Variants in SCN1A observed in about 807,000 individuals in gnomAD.
SCN1A encodes sodium channel protein type 1 subunit alpha.
In SCN1A, 13 loss-of-function variants were observed where a neutral mutation model predicts 193.7. The observed-to-expected ratio is 0.07, with a 90% CI of 0.04 to 0.11. The LOEUF is 0.11. SCN1A is among the 10% of genes least tolerant of loss of function. SCN1A has a pLI of 1.00. For missense variants in SCN1A, 1,432 were observed against 2,451.1 expected (o/e 0.58, Z 8.78); for synonymous variants, 781 against 843.6 (o/e 0.93, Z 1.29).
intron 2 of SCN1A, among the ~76,000 whole-genome samples, chr2:166,117,361 C>G (rs1689982240): frequency 6.6e-6 from 1 of 152,108 alleles, no homozygotes; most frequent in Non-Finnish European, 1.5e-5. Context: ...AATATGTGTA[C>G]TTAATGGTAT....
intron 1 of SCN1A, among the ~76,000 whole-genome samples, chr2:166,143,764 G>T (rs1361353225): frequency 6.6e-6 from 1 of 152,096 alleles, no homozygotes; most frequent in South Asian, 2.1e-4. Flanking sequence ...GTAAAAATTT[G>T]TTTGGCTTTA....
chr2:166,123,387 GA>G (rs1690849162), intron 2 of SCN1A: 1 of 152,122 alleles, frequency 6.6e-6, no homozygotes, highest in Non-Finnish European at 1.5e-5. Context: ...TCTGGAGGAA[GA>G]AAAACTGACT....
intron 2 of SCN1A, among the ~76,000 whole-genome samples, chr2:166,113,420 C>T (rs1409840396): frequency 1.3e-5 from 2 of 151,966 alleles, no homozygotes; most frequent in Non-Finnish European, 2.9e-5. Flanking sequence ...AAAATTATTT[C>T]TTGCTCTGAC....
intron 2 of SCN1A, among the ~76,000 whole-genome samples, chr2:166,113,177 C>A (rs1354970713): frequency 2.0e-5 from 3 of 151,754 alleles, no homozygotes; most frequent in Non-Finnish European, 4.4e-5. Context: ...GTGGGACACT[C>A]AACTGGCTGT....
At chr2:166,010,981 TA>T (rs1559142651) in intron 22 of SCN1A, among the ~76,000 whole-genome samples, 1 of 151,214 alleles carries the variant, frequency 6.6e-6, no homozygotes, top group Non-Finnish European at 1.5e-5. Context: ...TTTAAAGGGT[TA>T]AATTACATTT....
upstream of SCN1A, among the ~76,000 whole-genome samples, chr2:166,132,003 A>G (rs1337177350): frequency 2.6e-5 from 4 of 152,188 alleles, no homozygotes; most frequent in South Asian, 6.2e-4. Flanking sequence ...TTGGGAATCT[A>G]TAGTCACTGA....
chr2:166,056,520 C>T lies in SCN1A; in HGVS notation c.384-20G>A. ...AATAATGTAGGTTATTGTTAAGGAACACACAAAAGAAAATCAAAATCCAAG... is the reference window on the plus strand; with the variant it reads ...AATAATGTAGGTTATTGTTAAGGAATACACAAAAGAAAATCAAAATCCAAG... On this transcript the variant is annotated intron_variant, in intron 5 of 28. Transcript: ENST00000674923. 2 of 1,509,654 alleles carry T rather than the reference C, an allele frequency of 1.3e-6. No homozygotes were observed. Among genetic ancestry groups the T allele is most frequent in the South Asian group, 2.3e-5 (2 of 88,740 alleles). The allele number at this position is 1,509,654 out of a possible 1,614,324, so 93.5% of individuals were successfully genotyped here. A position where few individuals can be genotyped will look rare whatever the true frequency, so the allele number is the denominator to read the frequency against.
At chr2:166,082,751 A>G (rs997511173) in intron 2 of SCN1A, among the ~76,000 whole-genome samples, 1 of 152,064 alleles carries the variant, frequency 6.6e-6, no homozygotes, top group Non-Finnish European at 1.5e-5. Flanking sequence ...CTGTAACTCC[A>G]AAGTTCAATA....
chr2:166,029,453 C>G (rs1050582648), intron 19 of SCN1A, among the ~76,000 whole-genome samples: 2 of 152,022 alleles, frequency 1.3e-5, no homozygotes, highest in Non-Finnish European at 1.5e-5. Flanking sequence ...AGATAGTACT[C>G]TTGGGTTCCA....
At chr2:166,069,748 A>G (rs1171205782) in intron 4 of SCN1A, among the ~76,000 whole-genome samples, 1 of 152,220 alleles carries the variant, frequency 6.6e-6, no homozygotes, top group Non-Finnish European at 1.5e-5. Context: ...CACATTAACT[A>G]TTGTACTAGA....
chr2:166,106,365 G>A (rs1574522881), intron 2 of SCN1A, among the ~76,000 whole-genome samples: 3 of 152,228 alleles, frequency 2.0e-5, no homozygotes, highest in Non-Finnish European at 2.9e-5. Flanking sequence ...TGAACTGGAA[G>A]GATTTCCCAT....
intron 2 of SCN1A, among the ~76,000 whole-genome samples, chr2:166,121,191 C>T (rs143437367): frequency 2.9e-4 from 44 of 151,586 alleles, no homozygotes; most frequent in African/African-American, 9.9e-4. Context: ...TTCTAGATTA[C>T]AGCACCTTAC....
chr2:166,005,373 G>A lies in SCN1A; in HGVS notation c.4003-2620C>T, dbSNP rs990052191. 2.6e-5 allele frequency among the ~76,000 whole-genome samples: 4 copies of A among 151,326 alleles called. No individual in the cohort carries two copies. In the Admixed American group the frequency reaches 2.6e-4, roughly 10 times the overall value. On this transcript the variant is annotated intron_variant, in intron 23 of 28. Transcript: ENST00000674923. ...ATTAAGGAACTGAGCACAGGGAGAA[G>A]TTTGTGCTTAGGTAATATGTTTGAG... is the stretch of plus-strand genomic sequence containing the variant.
chr2:166,085,021 T>C (rs544955795), intron 2 of SCN1A, among the ~76,000 whole-genome samples: 9 of 152,260 alleles, frequency 5.9e-5, no homozygotes, highest in African/African-American at 1.9e-4. Context: ...TTACAAACAT[T>C]AGTGGTTCTC....
chr2:166,008,320 T>C lies in SCN1A; in HGVS notation c.4002+1399A>G, dbSNP rs1691933051. On this transcript the variant is annotated intron_variant, in intron 23 of 28. Coordinates refer to ENST00000674923, the MANE Select transcript of SCN1A (RefSeq NM_001165963.4). ...TTCAAATGGTCAAATGTAAAAGGTT[T>C]ATAATATTTTCAAATGTTTAGCATT... is the stretch of plus-strand genomic sequence containing the variant. Among the ~76,000 whole-genome samples the C allele has an allele frequency of 2.6e-5, 4 of 151,246 alleles. No homozygotes were observed. The South Asian group carries it at 8.3e-4, about 31-fold the overall frequency.
intron 4 of SCN1A, among the ~76,000 whole-genome samples, chr2:166,068,144 A>G (rs1437164756): frequency 6.6e-6 from 1 of 152,166 alleles, no homozygotes; most frequent in African/African-American, 2.4e-5. Flanking sequence ...TACCCTCATG[A>G]CATTGTTTGA....
chr2:166,051,696 A>G, intron 9 of SCN1A, 23 bp downstream of exon 9: 2 of 1,559,402 alleles, frequency 1.3e-6, no homozygotes, highest in African/African-American at 1.4e-5. Flanking sequence ...TTTTAAGGAA[A>G]TGTACATAAC....
chr2:166,128,150 T>C (rs1691462754), upstream of SCN1A: 3 of 152,122 alleles, frequency 2.0e-5, no homozygotes, highest in African/African-American at 7.2e-5. Context: ...TATGATTTCT[T>C]CCTCAACCTC....
Position 166,043,994 on chromosome 2 carries a change from C to T in SCN1A, c.1718G>A (p.Ser573Asn). Residue 573 changes from serine (S) to asparagine (N), a missense_variant, in exon 14 of 29, where the codon AGC (serine) becomes AAC (asparagine). Physicochemically the swap from Ser to Asn is conservative, Grantham distance 46. Around this residue, in one of 18 missense-constraint regions of SCN1A, gnomAD observed 316 missense variants for 362.1 expected, o/e 0.87. Coordinates refer to ENST00000674923, the MANE Select transcript of SCN1A (RefSeq NM_001165963.4). ...LFSPRRNSRTSLFSFRGRAKD... is the reference protein window; with the variant it reads ...LFSPRRNSRTNLFSFRGRAKD... ...TGCTCGCCCTCTAAAGCTGAAAAGG[C>T]TTGTTCTGCTATTTCGCCTTGGTGA... 1 of 1,614,166 alleles carries T rather than the reference C, an allele frequency of 6.2e-7. No homozygotes were observed. The highest frequency in any genetic ancestry group is 8.5e-7 in the Non-Finnish European group (1 of 1,180,014).
Sources: gnomAD v4.1 joint callset for allele counts (sites outside exome capture counted in the v4.1 genomes callset) on GRCh38, gnomAD v4.1.1 for gene constraint, gnomAD v4.1.1 regional missense constraint, MANE v1.5 for transcripts, NCBI Gene and HGNC (gene_info 2026-07-23, HGNC 2026-07-21) for gene names.